The following RBM19 variants were observed in gnomAD, a reference collection of about 807,000 sequenced individuals.
RBM19 encodes the protein RNA binding motif protein 19.
In RBM19, 94 loss-of-function variants were observed where a neutral mutation model predicts 116.8. That is an observed-to-expected ratio of 0.80 (90% CI 0.68 to 0.95). RBM19 has a LOEUF of 0.95. Ranked by LOEUF, RBM19 falls within the 40% of genes least tolerant of loss-of-function variation. The pLI is 0.00. For missense variants in RBM19, 1,161 were observed against 1,220.7 expected (o/e 0.95, Z 0.73); for synonymous variants, 475 against 494.1 (o/e 0.96, Z 0.51).
intron 21 of RBM19, among the ~76,000 whole-genome samples, chr12:113,908,925 G>T (rs557175240): frequency 6.6e-6 from 1 of 152,374 alleles, no homozygotes; most frequent in South Asian, 2.1e-4. Flanking sequence ...CAGTGAGCCA[G>T]TCAGAGTGTC....
At chr12:113,963,648 T>G (rs540484195) in intron 1 of RBM19, among the ~76,000 whole-genome samples, 5 of 152,314 alleles carry the variant, frequency 3.3e-5, no homozygotes, top group African/African-American at 1.2e-4. Context: ...TTCAGAAATA[T>G]AAGACAGTGA....
In RBM19 at chr12:113,958,025, T is replaced by C. The variant is rs1181416966; in HGVS notation, c.597A>G (p.Ala199=). 1.9e-6 allele frequency: 3 copies of C among 1,612,922 alleles called. No homozygotes were observed. The highest frequency in any genetic ancestry group is 2.5e-6 in the Non-Finnish European group (3 of 1,179,430). ...TGTCCGACAGCTCCTTCTGCACAGCTGCCTTTGGTTCGAGGCTTGCCTCTT... is the reference window on the plus strand; with the variant it reads ...TGTCCGACAGCTCCTTCTGCACAGCCGCCTTTGGTTCGAGGCTTGCCTCTT... The part of the protein sequence containing the change: ...LEEEASLEPK[A]AVQKELSDMD... Residue 199 remains alanine (A), a synonymous_variant, in exon 6 of 24, where the codon GCA becomes GCG. Coordinates refer to ENST00000261741, the MANE Select transcript of RBM19 (RefSeq NM_016196.4).
intron 22 of RBM19, among the ~76,000 whole-genome samples, chr12:113,849,464 T>C (rs756152348): frequency 1.3e-5 from 2 of 152,234 alleles, no homozygotes; most frequent in African/African-American, 2.4e-5. Flanking sequence ...CTTTATAGAC[T>C]ACAAACGCAA....
At chr12:113,883,590 T>G (rs1014382935) in intron 21 of RBM19, among the ~76,000 whole-genome samples, 1 of 152,254 alleles carries the variant, frequency 6.6e-6, no homozygotes, top group Non-Finnish European at 1.5e-5. Context: ...GATTCCACAA[T>G]AGTGCCTACA....
intron 17 of RBM19, 76 bp downstream of exon 17, chr12:113,926,978 T>G (rs1869133551): frequency 3.4e-6 from 5 of 1,475,398 alleles, no homozygotes; most frequent in Non-Finnish European, 4.6e-6. Flanking sequence ...CAGGGCAGAA[T>G]AAATGCAGTG....
At chr12:113,956,188 G>C (rs1871923184) in intron 6 of RBM19, among the ~76,000 whole-genome samples, 1 of 152,152 alleles carries the variant, frequency 6.6e-6, no homozygotes, top group South Asian at 2.1e-4. Context: ...AAAGGACAGA[G>C]TGCATAATTA....
intron 17 of RBM19, among the ~76,000 whole-genome samples, chr12:113,925,453 C>T (rs1005224789): frequency 6.6e-6 from 1 of 152,348 alleles, no homozygotes; most frequent in African/African-American, 2.4e-5. Flanking sequence ...AGTCTATTAA[C>T]ATCCCCATGT....
chr12:113,838,314 G>T (rs941607869), intron 23 of RBM19, among the ~76,000 whole-genome samples: 2 of 152,258 alleles, frequency 1.3e-5, no homozygotes, highest in African/African-American at 2.4e-5. Flanking sequence ...CCCACAGGGT[G>T]AGCATGCAAA....
chr12:113,867,564 A>C (rs1360599061), intron 21 of RBM19, among the ~76,000 whole-genome samples: 1 of 152,164 alleles, frequency 6.6e-6, no homozygotes, highest in African/African-American at 2.4e-5. Context: ...ACAGTTTAAA[A>C]CTGATAAATA....
chr12:113,899,029 C>T (rs1881516230), intron 21 of RBM19, among the ~76,000 whole-genome samples: 1 of 152,194 alleles, frequency 6.6e-6, no homozygotes, highest in Non-Finnish European at 1.5e-5. Context: ...TTTACATTAT[C>T]ACCATGGGAA....
chr12:113,893,256 C>T (rs550364780), intron 21 of RBM19, among the ~76,000 whole-genome samples: 192 of 152,260 alleles, frequency 1.3e-3, no homozygotes, highest in African/African-American at 4.5e-3. Context: ...AGCAATCCGC[C>T]TGCCTCAGCC....
At position 113,948,110 on chromosome 12, in the gene RBM19, AC is replaced by A. The variant is rs1871193216; in HGVS notation, c.1277-647del. Among the ~76,000 whole-genome samples, 3 of 152,176 alleles carry A rather than the reference AC, an allele frequency of 2.0e-5. No homozygotes were observed. In the South Asian group the frequency reaches 6.2e-4, roughly 32 times the overall value. ...GGCATGCTCCACTCAGGGCATCCTT[AC>A]CCTGACAACGGGGCCCACATCAGGT... is the stretch of plus-strand genomic sequence containing the variant. On this transcript the variant is annotated intron_variant, in intron 10 of 23. Coordinates refer to ENST00000261741, the MANE Select transcript of RBM19 (RefSeq NM_016196.4).
At chr12:113,925,171 T>A (rs571196795) in intron 17 of RBM19, among the ~76,000 whole-genome samples, 2 of 152,324 alleles carry the variant, frequency 1.3e-5, no homozygotes, top group East Asian at 3.9e-4. Context: ...TTTTTCTGTC[T>A]CCTTTGCTAG....
chr12:113,927,021 C>T (rs764854054), intron 17 of RBM19, 33 bp downstream of exon 17: 18 of 1,595,988 alleles, frequency 1.1e-5, no homozygotes, highest in Middle Eastern at 1.7e-4. Flanking sequence ...TCCCATCCCA[C>T]GCCCCTCCCT....
rs1433943302 is a variant in RBM19, at chr12:113,942,329, T to A, written c.1732A>T (p.Ser578Cys). 1.9e-6 allele frequency: 3 copies of A among 1,604,420 alleles called. No homozygotes were observed. In the African/African-American group the frequency reaches 4.0e-5, roughly 21 times the overall value. The stretch of plus-strand genomic sequence containing the variant: ...GCGCCACCGAGAACACCCACCTGGC[T>A]GAAGGAATCCAGGCTGACCCCGTTG... ...IDNGVSLDSF[S>C]QAAAERSKTV... Residue 578 changes from serine (S) to cysteine (C), a missense_variant, in exon 14 of 24, where the codon AGC (serine) becomes TGC (cysteine). Transcript: ENST00000261741.
At chr12:113,953,661 C>CA (rs1473794143) in intron 7 of RBM19, among the ~76,000 whole-genome samples, 1 of 152,208 alleles carries the variant, frequency 6.6e-6, no homozygotes. Context: ...GACTCTGCTA[C>CA]AGCGAGCATA....
At chr12:113,963,048 A>G (rs985158678) in intron 1 of RBM19, among the ~76,000 whole-genome samples, 8 of 152,210 alleles carry the variant, frequency 5.3e-5, no homozygotes, top group African/African-American at 1.7e-4. Flanking sequence ...GTATATAGCT[A>G]TGAACCAAGG....
chr12:113,946,693 A>G (rs2290794), intron 11 of RBM19, among the ~76,000 whole-genome samples: 93,137 of 151,870 alleles, frequency 0.61, 29,089 homozygotes, highest in East Asian at 0.85. Context: ...CTACACACAC[A>G]AAACTTCGAT....
chr12:113,897,101 C>T (rs1040270880), intron 21 of RBM19, among the ~76,000 whole-genome samples: 32 of 152,330 alleles, frequency 2.1e-4, no homozygotes, highest in African/African-American at 5.5e-4. Flanking sequence ...TTACTGAGCC[C>T]TCCCAATAGA....
Sources: allele counts gnomAD v4.1 joint callset (sites outside exome capture counted in the v4.1 genomes callset), GRCh38; gene constraint gnomAD v4.1.1; transcripts MANE v1.5; gene names NCBI Gene and HGNC (gene_info 2026-07-23, HGNC 2026-07-21).